FNIP1: variants seen among roughly 807,000 people sequenced by gnomAD.
FNIP1 encodes folliculin interacting protein 1.
Under a neutral mutation model 124.5 loss-of-function variants are expected in FNIP1, and 40 were observed. The observed-to-expected ratio is 0.32, with a 90% CI of 0.25 to 0.42. The LOEUF (loss-of-function observed/expected upper bound fraction) is 0.42. Ranked by LOEUF, FNIP1 falls within the 10% of genes least tolerant of loss-of-function variation. The pLI, the probability that FNIP1 is intolerant of heterozygous loss-of-function variation, is 1.00. For synonymous variants in FNIP1, 472 were observed against 470.6 expected (o/e 1.00, Z -0.04); for missense variants, 1,176 against 1,403.7 (o/e 0.84, Z 2.59).
chr5:131,784,651 C>T (rs1460160335), intron 1 of FNIP1, among the ~76,000 whole-genome samples: 1 of 151,414 alleles, frequency 6.6e-6, no homozygotes, highest in Admixed American at 6.6e-5. Context: ...TAAGACCCCC[C>T]CATCTCTACA....
At chr5:131,668,932 A>G (rs946750214) in intron 15 of FNIP1, among the ~76,000 whole-genome samples, 2 of 152,220 alleles carry the variant, frequency 1.3e-5, no homozygotes, top group African/African-American at 4.8e-5. Context: ...TTTAAGTGAA[A>G]CCACGAATGA....
chr5:131,741,877 G>T (rs1770523486), intron 2 of FNIP1, among the ~76,000 whole-genome samples: 1 of 151,986 alleles, frequency 6.6e-6, no homozygotes, highest in Admixed American at 6.6e-5. Flanking sequence ...CTCCTACTTG[G>T]CAATTTTCAA....
In FNIP1 at chr5:131,706,490, G is replaced by C; in HGVS notation, c.835C>G (p.Arg279Gly). The C allele has an allele frequency of 6.2e-7, 1 of 1,613,322 alleles. No homozygotes were observed. The highest frequency in any genetic ancestry group is 2.2e-5 in the East Asian group (1 of 44,858). ...CGCTGGTAGCTGCTGGCACAACTTC[G>C]GGTAAGTGAGGAGTTTGGGGAAGGA... Reference protein sequence around the residue: ...PFPSPNSSLTRSCASSYQRRW... With the variant: ...PFPSPNSSLTGSCASSYQRRW... The change falls in exon 9 of 18, where the codon CGA becomes GGA. Residue 279 changes from arginine (R) to glycine (G), a missense_variant. Coordinates refer to ENST00000510461, the MANE Select transcript of FNIP1 (RefSeq NM_133372.3).
intron 1 of FNIP1, among the ~76,000 whole-genome samples, chr5:131,775,634 T>C (rs1580829260): frequency 6.6e-6 from 1 of 151,608 alleles, no homozygotes; most frequent in African/African-American, 2.4e-5. Flanking sequence ...TTCAAGCAAT[T>C]CTCCTGCTTC....
chr5:131,791,827 C>A (rs1192674452), intron 1 of FNIP1, among the ~76,000 whole-genome samples: 2 of 151,696 alleles, frequency 1.3e-5, no homozygotes, highest in African/African-American at 4.9e-5. Flanking sequence ...TCTGTTAATT[C>A]TATTAACAAT....
chr5:131,664,940 A>T (rs1355730984), intron 15 of FNIP1, among the ~76,000 whole-genome samples: 1 of 151,052 alleles, frequency 6.6e-6, no homozygotes, highest in African/African-American at 2.4e-5. Context: ...ATATCTGTGT[A>T]TTTATATATA....
At chr5:131,662,953 G>A (rs1767487149) in intron 15 of FNIP1, among the ~76,000 whole-genome samples, 1 of 151,992 alleles carries the variant, frequency 6.6e-6, no homozygotes, top group Non-Finnish European at 1.5e-5. Context: ...ATGTTGGTAA[G>A]GCTGGTCTTG....
At chr5:131,704,295 T>C (rs1476405535) in intron 9 of FNIP1, 29 bp from the exon 10 acceptor site, 1 of 1,490,530 alleles carries the variant, frequency 6.7e-7, no homozygotes, top group Non-Finnish European at 9.1e-7. Context: ...TTTATTAATT[T>C]ACAAAAGTAA....
intron 1 of FNIP1, among the ~76,000 whole-genome samples, chr5:131,753,770 C>CTA (rs1182488768): frequency 1.3e-5 from 2 of 151,690 alleles, no homozygotes; most frequent in Non-Finnish European, 2.9e-5. Flanking sequence ...AAAAGTAATA[C>CTA]TATATTCATC....
intron 3 of FNIP1, among the ~76,000 whole-genome samples, chr5:131,722,106 T>C (rs1769686677): frequency 6.6e-6 from 1 of 152,188 alleles, no homozygotes; most frequent in Admixed American, 6.5e-5. Flanking sequence ...AGTGTTATGG[T>C]TGAAGTAGCA....
chr5:131,695,539 A>G (rs565676293), intron 11 of FNIP1, among the ~76,000 whole-genome samples: 1 of 152,356 alleles, frequency 6.6e-6, no homozygotes, highest in East Asian at 1.9e-4. Context: ...GTATCAGAAG[A>G]TGCACGAAAA....
At chr5:131,647,352 G>C (rs1766916196) in intron 16 of FNIP1, 147 bp from the exon 17 acceptor site, 1 of 543,904 alleles carries the variant, frequency 1.8e-6, no homozygotes, top group Non-Finnish European at 3.2e-6. Context: ...AAAGTATGTA[G>C]TTTTAGCTAA....
chr5:131,652,043 T>G (rs776400337), intron 15 of FNIP1, 44 bp from the exon 16 acceptor site: 116 of 1,560,594 alleles, frequency 7.4e-5, no homozygotes, highest in Non-Finnish European at 8.7e-6. Flanking sequence ...GCAAATGAAG[T>G]TTCCAAAGAT....
At chr5:131,720,892 G>A (rs952938961) in intron 3 of FNIP1, among the ~76,000 whole-genome samples, 1 of 152,114 alleles carries the variant, frequency 6.6e-6, no homozygotes, top group Non-Finnish European at 1.5e-5. Flanking sequence ...AATGCAAAAT[G>A]GTATTGTACT....
intron 11 of FNIP1, among the ~76,000 whole-genome samples, chr5:131,694,058 A>G (rs922671728): frequency 5.3e-5 from 8 of 152,322 alleles, no homozygotes; most frequent in African/African-American, 1.9e-4. Context: ...TAAAATTGAC[A>G]AACTGACCAT....
intron 17 of FNIP1, among the ~76,000 whole-genome samples, chr5:131,645,574 G>A (rs970362351): frequency 4.6e-5 from 7 of 152,176 alleles, no homozygotes; most frequent in Non-Finnish European, 1.0e-4. Context: ...GTACTGAGAA[G>A]AGTGCCTCTT....
chr5:131,731,641 C>CAA (rs566611225), intron 2 of FNIP1, among the ~76,000 whole-genome samples: 13 of 132,188 alleles, frequency 9.8e-5, no homozygotes, highest in African/African-American at 2.4e-4. Flanking sequence ...GACTCTGTTT[C>CAA]AAAAAAAAAA....
At chr5:131,791,974 G>A (rs185199660) in intron 1 of FNIP1, among the ~76,000 whole-genome samples, 1 of 152,196 alleles carries the variant, frequency 6.6e-6, no homozygotes, top group East Asian at 1.9e-4. Context: ...AAACTAAGTG[G>A]TTTTTACACA....
In FNIP1 at chr5:131,644,777, GA is replaced by G. The variant is rs756351401; in HGVS notation, c.3423-15del. On this transcript the variant is annotated splice_polypyrimidine_tract_variant and intron_variant, in intron 17 of 17. Coordinates refer to ENST00000510461, the MANE Select transcript of FNIP1 (RefSeq NM_133372.3). ...CTGGATTCAATCCTGAAATAAAGGGGAAAAAAATGTCAGTTTTGATTTTCTG... is the reference window on the plus strand; with the variant it reads ...CTGGATTCAATCCTGAAATAAAGGGGAAAAAATGTCAGTTTTGATTTTCTG... 8.7e-6 allele frequency: 14 copies of G among 1,612,138 alleles called. No homozygotes were observed. Among genetic ancestry groups the G allele is most frequent in the East Asian group, 4.5e-5 (2 of 44,852 alleles).
Sources: allele counts gnomAD v4.1 joint callset (sites outside exome capture counted in the v4.1 genomes callset), GRCh38; gene constraint gnomAD v4.1.1; transcripts MANE v1.5; gene names NCBI Gene and HGNC (gene_info 2026-07-23, HGNC 2026-07-21).